ZNF407: variants seen among roughly 807,000 people sequenced by gnomAD.
ZNF407 encodes zinc finger protein 407.
A neutral mutation model predicts 131.2 loss-of-function variants in ZNF407; 17 were observed. The observed-to-expected ratio is 0.13, with a 90% CI of 0.09 to 0.19. ZNF407 has a LOEUF of 0.19. ZNF407 is among the 10% of genes least tolerant of loss of function. The pLI, the probability that ZNF407 is intolerant of heterozygous loss-of-function variation, is 1.00. For synonymous variants in ZNF407, 1,156 were observed against 1,062.0 expected (o/e 1.09, Z -1.72); for missense variants, 2,681 against 2,830.6 (o/e 0.95, Z 1.20).
Position 74,634,574 on chromosome 18 carries a change from A to G in ZNF407, c.3555A>G (p.Ser1185=), listed in dbSNP as rs1417841560. ...DKVRKPEEMM[S]LTMSSNYGSP... ...TTAGGAAACCTGAGGAGATGATGTC[A>G]CTTACTATGTCCTCAAACTATGGCT... The change falls in exon 2 of 9, where the codon TCA becomes TCG. Residue 1185 remains serine (S), a synonymous_variant. Transcript: ENST00000299687. 6.2e-7 allele frequency: 1 copy of G among 1,613,894 alleles called. No homozygotes were observed. The highest frequency in any genetic ancestry group is 8.5e-7 in the Non-Finnish European group (1 of 1,179,884).
intron 1 of ZNF407, among the ~76,000 whole-genome samples, chr18:74,622,015 C>G (rs563906368): frequency 6.6e-6 from 1 of 152,204 alleles, no homozygotes; most frequent in African/African-American, 2.4e-5. Flanking sequence ...GTTGTATACT[C>G]TCTTCTCGTG....
In ZNF407 at chr18:75,021,090, T is replaced by C. The variant is rs146254825; in HGVS notation, c.5429-42060T>C. 3.5e-3 allele frequency among the ~76,000 whole-genome samples: 533 copies of C among 152,066 alleles called. 3 individuals carry two copies. The highest frequency in any genetic ancestry group is 0.012 in the African/African-American group (488 of 41,498). On this transcript the variant is annotated intron_variant, in intron 8 of 8. Transcript: ENST00000299687. ...AGGAGAAAACTGAGTCTTGCCTGAG[T>C]TCTATTAAATGACAGAACCAAGATT...
chr18:75,065,396 A>AT lies in ZNF407; in HGVS notation c.*929dup, dbSNP rs1973701045. 1 of 152,226 alleles carries AT rather than the reference A, an allele frequency of 6.6e-6. No homozygotes were observed. Among genetic ancestry groups the AT allele is most frequent in the African/African-American group, 2.4e-5 (1 of 41,454 alleles). The allele number at this position is 152,226 out of a possible 1,614,324, so 9.4% of individuals were successfully genotyped here. On this transcript the variant is annotated 3_prime_UTR_variant, in exon 9 of 9. Coordinates refer to ENST00000299687, the MANE Select transcript of ZNF407 (RefSeq NM_017757.3). The stretch of plus-strand genomic sequence containing the variant: ...AAATGCTGACATTAAACATTAACAC[A>AT]TGGAGACCGTGCCCTGTGGCCCTGC...
intron 4 of ZNF407, among the ~76,000 whole-genome samples, chr18:74,794,923 T>G (rs1199462512): frequency 6.6e-6 from 1 of 152,154 alleles, no homozygotes; most frequent in Non-Finnish European, 1.5e-5. Context: ...GGATGTTTTT[T>G]GATGAAAGAG....
chr18:74,915,413 G>A (rs1971737861), intron 7 of ZNF407, among the ~76,000 whole-genome samples: 2 of 149,698 alleles, frequency 1.3e-5, no homozygotes, highest in South Asian at 2.1e-4. Flanking sequence ...GAGTGTGTGT[G>A]TGTGTGTGTG....
chr18:74,692,013 G>C (rs1239048469), intron 3 of ZNF407, among the ~76,000 whole-genome samples: 1 of 152,126 alleles, frequency 6.6e-6, no homozygotes, highest in Non-Finnish European at 1.5e-5. Flanking sequence ...AAGATCACCT[G>C]AGCCTGTGAA....
chr18:74,770,491 G>A (rs1006980726), intron 3 of ZNF407, among the ~76,000 whole-genome samples: 1 of 150,920 alleles, frequency 6.6e-6, no homozygotes, highest in Non-Finnish European at 1.5e-5. Context: ...CTTTTCCAAC[G>A]AAAAAAAACA....
intron 8 of ZNF407, among the ~76,000 whole-genome samples, chr18:74,934,388 A>G (rs1972015668): frequency 6.6e-6 from 1 of 152,226 alleles, no homozygotes; most frequent in African/African-American, 2.4e-5. Flanking sequence ...TTAAGTTAAT[A>G]TGAATTATAA....
chr18:75,030,813 C>CT (rs1330211866), intron 8 of ZNF407, among the ~76,000 whole-genome samples: 3 of 152,166 alleles, frequency 2.0e-5, no homozygotes, highest in African/African-American at 4.8e-5. Flanking sequence ...CACCCTGCTG[C>CT]TGTCTAAGGG....
At position 74,818,155 on chromosome 18, in the gene ZNF407, C is replaced by T. The variant is rs74599352; in HGVS notation, c.4877+36653C>T. On this transcript the variant is annotated intron_variant, in intron 4 of 8. Coordinates refer to ENST00000299687, the MANE Select transcript of ZNF407 (RefSeq NM_017757.3). ...TCTGGTTTGTGTACTGTGCTGTGCA[C>T]GTTTGGTGAGTCCGCCTGTGCCCAT... is the stretch of plus-strand genomic sequence containing the variant. Among the ~76,000 whole-genome samples the T allele has an allele frequency of 2.3e-4, 35 of 152,222 alleles. 1 individual carries two copies. The East Asian group carries it at 4.6e-3, about 20-fold the overall frequency.
chr18:74,861,664 T>G (rs976554436), intron 4 of ZNF407, among the ~76,000 whole-genome samples: 1 of 152,232 alleles, frequency 6.6e-6, no homozygotes, highest in Non-Finnish European at 1.5e-5. Context: ...CGATAACGAT[T>G]GAATAATTGT....
intron 4 of ZNF407, among the ~76,000 whole-genome samples, chr18:74,806,358 A>G (rs532834305): frequency 6.6e-6 from 1 of 152,318 alleles, no homozygotes; most frequent in South Asian, 2.1e-4. Context: ...AAGTTGATTC[A>G]CCTGTCAACC....
chr18:75,016,940 C>A (rs1031257463), intron 8 of ZNF407, among the ~76,000 whole-genome samples: 4 of 152,116 alleles, frequency 2.6e-5, no homozygotes, highest in Non-Finnish European at 5.9e-5. Context: ...TTAGCTTACC[C>A]ATTAGCTCAC....
intron 4 of ZNF407, among the ~76,000 whole-genome samples, chr18:74,787,924 C>G (rs1969751239): frequency 6.6e-6 from 1 of 152,148 alleles, no homozygotes; most frequent in Admixed American, 6.5e-5. Flanking sequence ...GGAAATACAT[C>G]TTTCTTTTAA....
intron 3 of ZNF407, among the ~76,000 whole-genome samples, chr18:74,761,732 A>G (rs1041887477): frequency 6.6e-6 from 1 of 152,144 alleles, no homozygotes. Context: ...GGTTCTTTTC[A>G]TGATTGTGTT....
chr18:74,736,325 T>A (rs945879445), intron 3 of ZNF407, among the ~76,000 whole-genome samples: 1 of 152,188 alleles, frequency 6.6e-6, no homozygotes, highest in African/African-American at 2.4e-5. Flanking sequence ...TTAGAATAAT[T>A]ATAAAGGGCT....
intron 6 of ZNF407, among the ~76,000 whole-genome samples, chr18:74,888,888 T>C (rs1971346974): frequency 1.3e-5 from 2 of 152,174 alleles, no homozygotes; most frequent in Admixed American, 1.3e-4. Context: ...GAACTTCTCA[T>C]GGGTAGAATG....
At chr18:74,935,000 T>C (rs1322401483) in intron 8 of ZNF407, among the ~76,000 whole-genome samples, 1 of 152,234 alleles carries the variant, frequency 6.6e-6, no homozygotes, top group Non-Finnish European at 1.5e-5. Flanking sequence ...ATGCTGCTCT[T>C]GAGTGACAAG....
chr18:74,797,394 G>T (rs1401951548), intron 4 of ZNF407, among the ~76,000 whole-genome samples: 1 of 152,216 alleles, frequency 6.6e-6, no homozygotes, highest in Non-Finnish European at 1.5e-5. Context: ...CTATTTGTCT[G>T]TGACCTGCCT....
Sources: allele counts gnomAD v4.1 joint callset (sites outside exome capture counted in the v4.1 genomes callset), GRCh38; gene constraint gnomAD v4.1.1; transcripts MANE v1.5; gene names NCBI Gene and HGNC (gene_info 2026-07-23, HGNC 2026-07-21).